Variants in DLC1 observed in about 807,000 individuals in gnomAD.
DLC1 encodes the protein DLC1 Rho GTPase activating protein.
In DLC1, 54 loss-of-function variants were observed where a neutral mutation model predicts 140.3. The ratio of observed to expected loss-of-function variants is 0.38; its 90% CI spans 0.31 to 0.48. The LOEUF (loss-of-function observed/expected upper bound fraction) is 0.48. Ranked by LOEUF, DLC1 falls within the 20% of genes least tolerant of loss-of-function variation. The probability of loss-of-function intolerance (pLI) is 0.96; values close to 1 mark genes in which losing one functional copy is unlikely to be tolerated. For missense variants in DLC1, 2,536 were observed against 1,907.0 expected, an observed-to-expected ratio of 1.33 and a Z score of -6.14; for synonymous variants, 986 against 728.1, an observed-to-expected ratio of 1.35 and a Z score of -5.70.
At chr8:13,146,280 A>AT (rs1823432055) in intron 5 of DLC1, among the ~76,000 whole-genome samples, 2 of 152,034 alleles carry the variant, frequency 1.3e-5, no homozygotes, top group Admixed American at 6.6e-5. Flanking sequence ...ATCTCAAAAA[A>AT]AAAAAAAATA....
At chr8:13,562,353 G>C (rs946466970) in intron 1 of DLC1, among the ~76,000 whole-genome samples, 3 of 151,888 alleles carry the variant, frequency 2.0e-5, no homozygotes, top group African/African-American at 7.3e-5. Flanking sequence ...AACATATGAA[G>C]TGACTCTTGA....
chr8:13,093,134 T>C (rs1818223624), intron 12 of DLC1, among the ~76,000 whole-genome samples: 1 of 124,170 alleles, frequency 8.1e-6, no homozygotes, highest in African/African-American at 2.6e-5. Context: ...AACAGTTTTT[T>C]CTTTCCTAAG....
At chr8:13,344,748 C>A (rs1239437056) in intron 4 of DLC1, among the ~76,000 whole-genome samples, 2 of 151,984 alleles carry the variant, frequency 1.3e-5, no homozygotes, top group African/African-American at 4.8e-5. Context: ...TAGGAAAGCA[C>A]GTGTGTGTAA....
At chr8:13,390,984 C>CAAAAAAAAAAAAA (rs1430798740) in intron 4 of DLC1, among the ~76,000 whole-genome samples, 8 of 71,066 alleles carry the variant, frequency 1.1e-4, no homozygotes, top group African/African-American at 2.2e-4. Context: ...GACTCCGTCT[C>CAAAAAAAAAAAAA]AAAAAAAAAA....
intron 7 of DLC1, 56 bp downstream of exon 7, chr8:13,110,686 A>T: frequency 6.7e-7 from 1 of 1,497,324 alleles, no homozygotes; most frequent in Non-Finnish European, 9.2e-7. Flanking sequence ...TCTTTGTGAG[A>T]AGTACTGTGT....
intron 1 of DLC1, among the ~76,000 whole-genome samples, chr8:13,540,238 A>T (rs1250232808): frequency 6.6e-6 from 1 of 152,050 alleles, no homozygotes; most frequent in Non-Finnish European, 1.5e-5. Context: ...ATGGCTGGTG[A>T]AGATCTGGTC....
At chr8:13,525,510 C>G (rs1004591095) in intron 1 of DLC1, among the ~76,000 whole-genome samples, 3 of 152,146 alleles carry the variant, frequency 2.0e-5, no homozygotes, top group African/African-American at 7.2e-5. Context: ...TATGATGAGT[C>G]TTTTTAGTTT....
At chr8:13,162,076 T>G (rs542576220) in intron 5 of DLC1, among the ~76,000 whole-genome samples, 1 of 152,314 alleles carries the variant, frequency 6.6e-6, no homozygotes, top group East Asian at 1.9e-4. Context: ...GTTTTTGACT[T>G]TCATAAGAAT....
intron 5 of DLC1, among the ~76,000 whole-genome samples, chr8:13,154,359 G>T (rs1394799543): frequency 1.3e-5 from 2 of 152,200 alleles, no homozygotes; most frequent in Non-Finnish European, 2.9e-5. Context: ...GGTGGCTGAG[G>T]CCCAGTGAGA....
chr8:13,238,391 T>C (rs1255599316), intron 5 of DLC1, among the ~76,000 whole-genome samples: 3 of 151,996 alleles, frequency 2.0e-5, no homozygotes, highest in Non-Finnish European at 1.5e-5. Flanking sequence ...CGCACACCTG[T>C]GGTCCCAGCT....
At chr8:13,417,612 G>A (rs891515587) in intron 2 of DLC1, among the ~76,000 whole-genome samples, 2 of 151,926 alleles carry the variant, frequency 1.3e-5, no homozygotes, top group African/African-American at 2.4e-5. Context: ...GTCTATGATT[G>A]TTGGACATTT....
chr8:13,541,138 G>C (rs893962704), intron 1 of DLC1, among the ~76,000 whole-genome samples: 2 of 152,282 alleles, frequency 1.3e-5, no homozygotes, highest in South Asian at 2.1e-4. Context: ...AAGTTGTTCA[G>C]ACTTTTTATT....
chr8:13,192,061 C>A (rs1466961158), intron 5 of DLC1, among the ~76,000 whole-genome samples: 1 of 151,916 alleles, frequency 6.6e-6, no homozygotes, highest in Non-Finnish European at 1.5e-5. Context: ...CCTGCCTCAG[C>A]CTCCCAAGTA....
rs187900029 is a variant in DLC1, at chr8:13,097,571, A to G, written c.3167+828T>C. Among the ~76,000 whole-genome samples the G allele has an allele frequency of 1.5e-4, 23 of 152,218 alleles. 1 individual carries two copies. The highest frequency in any genetic ancestry group is 3.4e-3 in the Middle Eastern group (1 of 294). The stretch of plus-strand genomic sequence containing the variant: ...GAGCCACCACACCCGCCCCAAAATG[A>G]TTTCTAAAAACAGGCATGAATACGG... On this transcript the variant is annotated intron_variant, in intron 10 of 17. Transcript: ENST00000276297.
chr8:13,329,200 C>A (rs989197827), intron 4 of DLC1, among the ~76,000 whole-genome samples: 4 of 152,266 alleles, frequency 2.6e-5, no homozygotes, highest in African/African-American at 9.6e-5. Context: ...AATACCTTTT[C>A]CTCATCCCCT....
intron 5 of DLC1, among the ~76,000 whole-genome samples, chr8:13,141,351 T>G (rs1822981754): frequency 6.6e-6 from 1 of 151,044 alleles, no homozygotes; most frequent in Non-Finnish European, 1.5e-5. Flanking sequence ...TTGACTTACA[T>G]TTTCTGTAAG....
At chr8:13,571,501 A>G (rs527958804) in intron 1 of DLC1, among the ~76,000 whole-genome samples, 84 of 152,358 alleles carry the variant, frequency 5.5e-4, no homozygotes, top group African/African-American at 2.0e-3. Flanking sequence ...GTCGAGGTTC[A>G]TCCAAGTTGT....
At chr8:13,185,892 C>T (rs919838761) in intron 5 of DLC1, among the ~76,000 whole-genome samples, 1 of 152,122 alleles carries the variant, frequency 6.6e-6, no homozygotes, top group Non-Finnish European at 1.5e-5. Context: ...GATTTTATTT[C>T]TCCTTCATGT....
At chr8:13,584,348 C>T (rs1805228039) in intron 1 of DLC1, 1 of 153,868 alleles carries the variant, frequency 6.5e-6, no homozygotes. Flanking sequence ...CAGGGGTGGG[C>T]TACTGAACCA....
Sources: gnomAD v4.1 joint callset for allele counts (sites outside exome capture counted in the v4.1 genomes callset) on GRCh38, gnomAD v4.1.1 for gene constraint, MANE v1.5 for transcripts, NCBI Gene and HGNC (gene_info 2026-07-23, HGNC 2026-07-21) for gene names.